Variants in ELOVL5 observed in about 807,000 individuals in gnomAD.
ELOVL5 encodes the protein very long chain fatty acid elongase 5.
In ELOVL5, 8 loss-of-function variants were observed where a neutral mutation model predicts 38.6. The ratio of observed to expected loss-of-function variants is 0.21; its 90% CI spans 0.12 to 0.37. The LOEUF (loss-of-function observed/expected upper bound fraction) is 0.37, where lower values mean the gene tolerates loss of function less well. ELOVL5 is among the 10% of genes least tolerant of loss of function. The pLI is 1.00. For missense variants in ELOVL5, 280 were observed against 367.8 expected (o/e 0.76, Z 1.95); for synonymous variants, 127 against 133.7 (o/e 0.95, Z 0.34).
intron 3 of ELOVL5, among the ~76,000 whole-genome samples, chr6:53,283,174 G>A (rs77429675): frequency 0.062 from 9,476 of 152,252 alleles, 595 homozygotes; most frequent in Admixed American, 0.22. Flanking sequence ...TAGGAAAGTG[G>A]TATAAAACAC....
intron 1 of ELOVL5, among the ~76,000 whole-genome samples, chr6:53,334,346 G>A (rs1768949498): frequency 6.6e-6 from 1 of 152,116 alleles, no homozygotes. Context: ...AGAGGCTCCT[G>A]AGAAGACCTG....
intron 1 of ELOVL5, among the ~76,000 whole-genome samples, chr6:53,320,545 G>A (rs1019934418): frequency 1.3e-5 from 2 of 151,762 alleles, no homozygotes; most frequent in Admixed American, 6.6e-5. Flanking sequence ...CCATGGTCTC[G>A]ATCTCCTGAC....
chr6:53,310,402 T>C (rs1435919549), intron 1 of ELOVL5, among the ~76,000 whole-genome samples: 1 of 149,502 alleles, frequency 6.7e-6, no homozygotes, highest in East Asian at 2.0e-4. Context: ...TTATATGGCT[T>C]AGGGTAGGCA....
In ELOVL5 at chr6:53,343,264, G is replaced by A. The variant is rs550453934; in HGVS notation, c.-9+5553C>T. The stretch of plus-strand genomic sequence containing the variant: ...GTCTGGCTCTGTCACCCAGGCCGGA[G>A]TGCAGTGGTGTAATCACGGCTCACT... On this transcript the variant is annotated intron_variant, in intron 1 of 7. Coordinates refer to ENST00000304434, the MANE Select transcript of ELOVL5 (RefSeq NM_021814.5). Among the ~76,000 whole-genome samples, 6 of 150,654 alleles carry A rather than the reference G, an allele frequency of 4.0e-5. No individual in the cohort carries two copies. In the South Asian group the frequency reaches 1.3e-3, roughly 33 times the overall value.
chr6:53,318,121 C>T (rs1768133852), intron 1 of ELOVL5, among the ~76,000 whole-genome samples: 1 of 152,178 alleles, frequency 6.6e-6, no homozygotes, highest in Admixed American at 6.5e-5. Flanking sequence ...CCAGAGCCTA[C>T]TCTTTGAACC....
At chr6:53,276,762 T>C (rs1766148265) in intron 3 of ELOVL5, among the ~76,000 whole-genome samples, 1 of 152,124 alleles carries the variant, frequency 6.6e-6, no homozygotes, top group African/African-American at 2.4e-5. Context: ...GTCCAGGTGA[T>C]ACTGATGCTG....
intron 2 of ELOVL5, among the ~76,000 whole-genome samples, chr6:53,292,740 G>T (rs1398684835): frequency 6.6e-6 from 1 of 152,180 alleles, no homozygotes; most frequent in Non-Finnish European, 1.5e-5. Flanking sequence ...GCAGTGAGCT[G>T]AGATCGTACC....
At chr6:53,305,133 G>T (rs1388889092) in intron 1 of ELOVL5, among the ~76,000 whole-genome samples, 1 of 150,430 alleles carries the variant, frequency 6.6e-6, no homozygotes, top group African/African-American at 2.4e-5. Flanking sequence ...TCCCAGACGG[G>T]GCGGCTCGCC....
At position 53,275,269 on chromosome 6, in the gene ELOVL5, G is replaced by A; in HGVS notation, c.325-8C>T. ...CCAGAGGACACGGATAATCTAAGAG[G>A]AAAGGGTCAAAGATTTAAGGCTTAT... On this transcript the variant is annotated splice_polypyrimidine_tract_variant and splice_region_variant and intron_variant, in intron 4 of 7. Transcript: ENST00000304434. 1.2e-6 allele frequency: 2 copies of A among 1,613,784 alleles called. No individual in the cohort carries two copies. The highest frequency in any genetic ancestry group is 2.2e-5 in the East Asian group (1 of 44,884).
At chr6:53,346,596 G>A (rs1287917864) in intron 1 of ELOVL5, among the ~76,000 whole-genome samples, 1 of 151,684 alleles carries the variant, frequency 6.6e-6, no homozygotes, top group South Asian at 2.1e-4. Flanking sequence ...CAAAGAGGAG[G>A]AATTAAAAAA....
chr6:53,277,997 A>T (rs1766205480), intron 3 of ELOVL5, among the ~76,000 whole-genome samples: 1 of 152,254 alleles, frequency 6.6e-6, no homozygotes, highest in Admixed American at 6.5e-5. Flanking sequence ...AGGACAACGC[A>T]GTAAGGTTTT....
intron 1 of ELOVL5, among the ~76,000 whole-genome samples, chr6:53,311,161 C>T (rs1343893231): frequency 6.6e-6 from 1 of 152,130 alleles, no homozygotes; most frequent in Non-Finnish European, 1.5e-5. Flanking sequence ...TCCACAAAAG[C>T]CTAGAGACAG....
intron 3 of ELOVL5, among the ~76,000 whole-genome samples, chr6:53,284,375 A>G (rs1176761000): frequency 6.6e-6 from 1 of 152,116 alleles, no homozygotes; most frequent in East Asian, 1.9e-4. Context: ...GGTCACAGCT[A>G]GAATCCTCTA....
chr6:53,303,806 A>G (rs1456761874), intron 1 of ELOVL5, among the ~76,000 whole-genome samples: 1 of 152,218 alleles, frequency 6.6e-6, no homozygotes, highest in African/African-American at 2.4e-5. Context: ...CTTTTTAACC[A>G]TCGCTGGAGA....
chr6:53,316,975 T>C (rs1409098190), intron 1 of ELOVL5, among the ~76,000 whole-genome samples: 1 of 152,242 alleles, frequency 6.6e-6, no homozygotes, highest in Admixed American at 6.5e-5. Flanking sequence ...TTCACTGTAC[T>C]GACATGTTCT....
At chr6:53,341,589 T>C (rs1166719227) in intron 1 of ELOVL5, among the ~76,000 whole-genome samples, 1 of 152,210 alleles carries the variant, frequency 6.6e-6, no homozygotes, top group East Asian at 1.9e-4. Flanking sequence ...AATTAATACA[T>C]GTTGAACACT....
intron 1 of ELOVL5, among the ~76,000 whole-genome samples, chr6:53,299,246 G>T (rs1581948167): frequency 6.6e-6 from 1 of 152,194 alleles, no homozygotes; most frequent in Non-Finnish European, 1.5e-5. Context: ...AGTATTCTGA[G>T]ATCAAACAGG....
intron 1 of ELOVL5, among the ~76,000 whole-genome samples, chr6:53,305,115 C>G (rs1052952040): frequency 2.0e-5 from 3 of 149,756 alleles, no homozygotes; most frequent in African/African-American, 7.4e-5. Flanking sequence ...CTGACCCCCC[C>G]ACCTCCCTCC....
intron 1 of ELOVL5, among the ~76,000 whole-genome samples, chr6:53,304,929 T>C (rs1338330374): frequency 6.6e-6 from 1 of 152,172 alleles, no homozygotes; most frequent in Admixed American, 6.5e-5. Context: ...CCGTTCTCAA[T>C]GAGCTGTTGG....
Sources: allele counts gnomAD v4.1 joint callset (sites outside exome capture counted in the v4.1 genomes callset), GRCh38; gene constraint gnomAD v4.1.1; transcripts MANE v1.5; gene names NCBI Gene and HGNC (gene_info 2026-07-23, HGNC 2026-07-21).